FMN1: variants seen among roughly 807,000 people sequenced by gnomAD.
FMN1 encodes the protein formin 1.
A neutral mutation model predicts 132.4 loss-of-function variants in FMN1; 110 were observed. The ratio of observed to expected loss-of-function variants is 0.83; its 90% CI spans 0.71 to 0.97. The LOEUF is 0.97. Ranked by LOEUF, FMN1 falls within the 50% of genes least tolerant of loss-of-function variation. FMN1 has a pLI of 0.00. For missense variants in FMN1, 1,792 were observed against 1,705.3 expected, an observed-to-expected ratio of 1.05 and a Z score of -0.90; for synonymous variants, 722 against 651.7, an observed-to-expected ratio of 1.11 and a Z score of -1.64.
intron 4 of FMN1, among the ~76,000 whole-genome samples, chr15:33,113,929 T>C (rs949791815): frequency 7.2e-5 from 11 of 152,188 alleles, no homozygotes; most frequent in African/African-American, 2.7e-4. Flanking sequence ...CACCCACAAG[T>C]GTGGGAAACC....
chr15:32,866,306 T>C lies in FMN1; in HGVS notation c.3836-9199A>G, dbSNP rs117528971. ...AGATGCATTTATTCTTAGTTTTTCA[T>C]ACACTCTATTTGGCTGGAAAAGTTA... On this transcript the variant is annotated intron_variant, in intron 16 of 20. Transcript: ENST00000616417. Among the ~76,000 whole-genome samples the C allele has an allele frequency of 4.1e-3, 627 of 152,252 alleles. 32 individuals carry two copies. In the East Asian group the frequency reaches 0.094, roughly 23 times the overall value.
At chr15:33,081,176 C>CAAA (rs2038441059) in intron 5 of FMN1, among the ~76,000 whole-genome samples, 1 of 152,154 alleles carries the variant, frequency 6.6e-6, no homozygotes, top group African/African-American at 2.4e-5. Context: ...GAGCCTGGAC[C>CAAA]GTTTTCTCCA....
At chr15:32,819,479 C>T (rs910439818) in intron 17 of FMN1, among the ~76,000 whole-genome samples, 2 of 152,040 alleles carry the variant, frequency 1.3e-5, no homozygotes, top group African/African-American at 4.8e-5. Flanking sequence ...TGGTGGTTGG[C>T]GCCATGACAT....
rs924969159 is a variant in FMN1 at position 32,969,354 on chromosome 15, C to T, written c.2347G>A (p.Glu783Lys). The T allele has an allele frequency of 6.2e-7, 1 of 1,613,964 alleles. No individual in the cohort carries two copies. Among genetic ancestry groups the T allele is most frequent in the African/African-American group, 1.3e-5 (1 of 75,030 alleles). ...LEHRWRGGCEERKDVCISTDD... is the reference protein window; with the variant it reads ...LEHRWRGGCEKRKDVCISTDD... ...GTGGAAATGCACACATCTTTCCTCT[C>T]TTCACAACCCCCTCGCCATCTGTGT... The change falls in exon 8 of 21, where the codon GAG becomes AAG. Residue 783 changes from glutamate to lysine, a missense_variant. This residue lies in a region of FMN1 where 1,150 missense variants were observed against 1,043.1 expected (regional missense o/e 1.10). Transcript: ENST00000616417.
At chr15:32,877,123 T>C (rs984918545) in intron 16 of FMN1, among the ~76,000 whole-genome samples, 4 of 152,090 alleles carry the variant, frequency 2.6e-5, no homozygotes, top group Admixed American at 1.3e-4. Flanking sequence ...CAGTATCTAC[T>C]AAAAATACAA....
At chr15:32,959,464 C>T (rs550739203) in intron 9 of FMN1, among the ~76,000 whole-genome samples, 4 of 152,150 alleles carry the variant, frequency 2.6e-5, no homozygotes, top group Non-Finnish European at 5.9e-5. Flanking sequence ...AACTTAAAAC[C>T]TCAGCTCTAA....
At position 32,787,607 on chromosome 15, in the gene FMN1, T is replaced by C. The variant is rs181937865; in HGVS notation, c.4131-10688A>G. On this transcript the variant is annotated intron_variant, in intron 19 of 20. Transcript: ENST00000616417. Reference sequence around the variant, plus strand: ...GGCTCACACCTGTAATTCCAGTGCTTTGGGAGGCTGAGGCAGGACTGCTTG... The same window carrying C: ...GGCTCACACCTGTAATTCCAGTGCTCTGGGAGGCTGAGGCAGGACTGCTTG... Among the ~76,000 whole-genome samples the C allele has an allele frequency of 2.3e-3, 346 of 152,294 alleles. 1 individual carries two copies. The highest frequency in any genetic ancestry group is 7.9e-3 in the African/African-American group (329 of 41,566).
At chr15:33,105,696 T>A (rs28576977) in intron 4 of FMN1, 49,750 of 152,106 alleles carry the variant, frequency 0.33, 8,859 homozygotes, top group Admixed American at 0.41. Flanking sequence ...TCTCTTTCAA[T>A]AAATATCTAC....
chr15:32,933,169 T>C (rs2061165732), intron 9 of FMN1, among the ~76,000 whole-genome samples: 1 of 152,150 alleles, frequency 6.6e-6, no homozygotes, highest in Admixed American at 6.5e-5. Context: ...TTTTGGTATG[T>C]TGTATTTTTG....
intron 6 of FMN1, among the ~76,000 whole-genome samples, chr15:33,060,216 T>C (rs1011688256): frequency 2.0e-5 from 3 of 152,104 alleles, no homozygotes; most frequent in African/African-American, 7.2e-5. Context: ...AAAGAGAAAA[T>C]TAAGATAATT....
At chr15:32,928,517 G>C (rs2061020938) in intron 9 of FMN1, among the ~76,000 whole-genome samples, 1 of 152,164 alleles carries the variant, frequency 6.6e-6, no homozygotes, top group Non-Finnish European at 1.5e-5. Flanking sequence ...GCATTGCTTT[G>C]TATTCTGGGG....
intron 19 of FMN1, among the ~76,000 whole-genome samples, chr15:32,795,210 T>C (rs1165180998): frequency 6.6e-6 from 1 of 151,990 alleles, no homozygotes; most frequent in Admixed American, 6.6e-5. Context: ...AAGGCCAACA[T>C]TAGTATTTTA....
chr15:32,973,091 C>T (rs2140695523), intron 7 of FMN1, among the ~76,000 whole-genome samples: 1 of 152,318 alleles, frequency 6.6e-6, no homozygotes, highest in African/African-American at 2.4e-5. Flanking sequence ...GACTCAAATT[C>T]AACCACTTTG....
At chr15:32,929,380 C>CT (rs895566367) in intron 9 of FMN1, among the ~76,000 whole-genome samples, 11 of 152,088 alleles carry the variant, frequency 7.2e-5, no homozygotes, top group African/African-American at 2.7e-4. Flanking sequence ...GTCTCTTCGT[C>CT]TTTTTTTTCT....
At position 32,769,290 on chromosome 15, in the gene FMN1, A is replaced by C. The variant is rs1214050641; in HGVS notation, c.*5020T>G. On this transcript the variant is annotated 3_prime_UTR_variant, in exon 21 of 21. Transcript: ENST00000616417. Reference sequence around the variant, plus strand: ...AATTGGCTTCAAATTTGACATGTTAAAACTCTCTTAAATTCATCACTTTCC... The same window carrying C: ...AATTGGCTTCAAATTTGACATGTTACAACTCTCTTAAATTCATCACTTTCC... 6.6e-6 allele frequency: 1 copy of C among 152,238 alleles called. No homozygotes were observed. Among genetic ancestry groups the C allele is most frequent in the African/African-American group, 2.4e-5 (1 of 41,458 alleles). The allele number at this position is 152,238 out of a possible 1,614,324, so 9.4% of individuals were successfully genotyped here.
intron 19 of FMN1, among the ~76,000 whole-genome samples, chr15:32,793,488 C>G (rs2057164906): frequency 6.6e-6 from 1 of 152,112 alleles, no homozygotes; most frequent in Non-Finnish European, 1.5e-5. Flanking sequence ...ACCATGTTGG[C>G]CAGGCTGATC....
chr15:33,033,009 T>A (rs546921597), intron 6 of FMN1, among the ~76,000 whole-genome samples: 2 of 152,180 alleles, frequency 1.3e-5, no homozygotes, highest in Non-Finnish European at 2.9e-5. Context: ...CTAGCTGCTG[T>A]TTTACTATTA....
intron 4 of FMN1, among the ~76,000 whole-genome samples, 193 bp downstream of exon 4, chr15:33,152,855 C>T (rs765880351): frequency 1.3e-5 from 2 of 148,828 alleles, no homozygotes; most frequent in Non-Finnish European, 3.0e-5. Flanking sequence ...TACCTCTGAA[C>T]CACTAGGTCA....
rs914639159 is a variant in FMN1 at position 32,772,612 on chromosome 15, C to T, written c.*1698G>A. ...CTCGGCTTTTCTGTTTTGCTTGTCT[C>T]GTTCCTTCATTGTGAATTTTAAAAA... On this transcript the variant is annotated 3_prime_UTR_variant, in exon 21 of 21. Coordinates refer to ENST00000616417, the MANE Select transcript of FMN1 (RefSeq NM_001277313.2). The T allele has an allele frequency of 6.6e-6, 1 of 152,164 alleles. No individual in the cohort carries two copies. Among genetic ancestry groups the T allele is most frequent in the Non-Finnish European group, 1.5e-5 (1 of 68,040 alleles). 9.4% of individuals were successfully genotyped at this position (152,164 alleles called of 1,614,324 possible).
Sources: allele counts gnomAD v4.1 joint callset (sites outside exome capture counted in the v4.1 genomes callset), GRCh38; gene constraint gnomAD v4.1.1; regional missense constraint gnomAD v4.1.1; transcripts MANE v1.5; gene names NCBI Gene and HGNC (gene_info 2026-07-23, HGNC 2026-07-21).